Variants in KLHL29 observed in about 807,000 individuals in gnomAD.
KLHL29 encodes the protein kelch-like protein 29.
A neutral mutation model predicts 80.4 loss-of-function variants in KLHL29; 21 were observed. That is an observed-to-expected ratio of 0.26 (90% CI 0.19 to 0.38). KLHL29 has a LOEUF of 0.38. KLHL29 is among the 10% of genes least tolerant of loss of function. The pLI is 1.00. For missense variants in KLHL29, 867 were observed against 1,223.9 expected (o/e 0.71, Z 4.35); for synonymous variants, 511 against 526.8 (o/e 0.97, Z 0.41).
At chr2:23,671,637 C>T (rs1318476324) in intron 5 of KLHL29, among the ~76,000 whole-genome samples, 3 of 152,180 alleles carry the variant, frequency 2.0e-5, no homozygotes, top group African/African-American at 7.2e-5. Flanking sequence ...GCTGCTCACT[C>T]GGCCTTTTCC....
intron 5 of KLHL29, among the ~76,000 whole-genome samples, chr2:23,660,039 A>C (rs1383363097): frequency 1.3e-5 from 2 of 151,956 alleles, no homozygotes; most frequent in African/African-American, 2.4e-5. Context: ...ACCCCTATCT[A>C]GACCTATCTT....
intron 1 of KLHL29, among the ~76,000 whole-genome samples, chr2:23,428,735 T>C (rs1663076166): frequency 6.6e-6 from 1 of 152,180 alleles, no homozygotes; most frequent in African/African-American, 2.4e-5. Context: ...ACCTGAGGGC[T>C]GAATTGGAAC....
chr2:23,434,320 CAA>C (rs34991893), intron 1 of KLHL29, among the ~76,000 whole-genome samples: 42 of 54,914 alleles, frequency 7.6e-4, no homozygotes, highest in African/African-American at 2.7e-3. Flanking sequence ...GACTCCGTCT[CAA>C]AAAAAAAAAA....
chr2:23,577,567 C>T (rs758004508), intron 3 of KLHL29, among the ~76,000 whole-genome samples: 4 of 151,818 alleles, frequency 2.6e-5, no homozygotes, highest in African/African-American at 9.7e-5. Flanking sequence ...GCAAACATGG[C>T]GAAACCCCTG....
chr2:23,495,930 C>T (rs769143140), intron 2 of KLHL29, among the ~76,000 whole-genome samples: 41 of 152,374 alleles, frequency 2.7e-4, no homozygotes, highest in East Asian at 1.9e-4. Flanking sequence ...GTTCTTCCCC[C>T]ACTGCTTGTT....
chr2:23,636,523 C>G (rs1388408114), intron 3 of KLHL29, among the ~76,000 whole-genome samples: 1 of 152,172 alleles, frequency 6.6e-6, no homozygotes, highest in East Asian at 1.9e-4. Context: ...TTCGCCTGCT[C>G]ACAGCCCATC....
intron 5 of KLHL29, among the ~76,000 whole-genome samples, chr2:23,655,826 G>A (rs568323685): frequency 6.6e-6 from 1 of 152,114 alleles, no homozygotes; most frequent in African/African-American, 2.4e-5. Context: ...GGAACTGACT[G>A]AGCAGAGTGA....
chr2:23,460,590 A>G (rs1303727921), intron 1 of KLHL29, among the ~76,000 whole-genome samples: 4 of 152,084 alleles, frequency 2.6e-5, no homozygotes, highest in African/African-American at 9.7e-5. Context: ...AGCTCAGAGG[A>G]TGAGCACTTG....
chr2:23,520,899 A>T (rs1666073893), intron 2 of KLHL29, among the ~76,000 whole-genome samples: 2 of 152,108 alleles, frequency 1.3e-5, no homozygotes, highest in Non-Finnish European at 2.9e-5. Context: ...ATGTTACATT[A>T]TCATAAACCC....
intron 4 of KLHL29, among the ~76,000 whole-genome samples, chr2:23,640,262 CTT>C (rs1378647985): frequency 6.6e-6 from 1 of 152,296 alleles, no homozygotes; most frequent in Admixed American, 6.5e-5. Flanking sequence ...CAGACCTGGT[CTT>C]GTCTTCCACG....
At chr2:23,571,543 A>G (rs1667717625) in intron 3 of KLHL29, among the ~76,000 whole-genome samples, 2 of 152,178 alleles carry the variant, frequency 1.3e-5, no homozygotes, top group Non-Finnish European at 2.9e-5. Context: ...CCTCCCAGTC[A>G]TTAGTTTAGG....
chr2:23,503,974 C>T lies in KLHL29; in HGVS notation c.-46+28307C>T, dbSNP rs772307612. 6.6e-6 allele frequency among the ~76,000 whole-genome samples: 1 copy of T among 152,170 alleles called. No homozygotes were observed. Among genetic ancestry groups the T allele is most frequent in the Non-Finnish European group, 1.5e-5 (1 of 68,032 alleles). ...TGAACCCACTGGGCTGGGAACGCCACACAAAAGCACTCTCCAAGCCAGCCA... is the reference window on the plus strand; with the variant it reads ...TGAACCCACTGGGCTGGGAACGCCATACAAAAGCACTCTCCAAGCCAGCCA... On this transcript the variant is annotated intron_variant, in intron 2 of 13. Coordinates refer to ENST00000486442, the MANE Select transcript of KLHL29 (RefSeq NM_052920.2). This position sits in a 1 kb window ranked among gnomAD's most constrained non-coding sequence, Gnocchi z 4.0.
intron 5 of KLHL29, among the ~76,000 whole-genome samples, chr2:23,653,244 A>G (rs115334626): frequency 0.01 from 1,593 of 152,292 alleles, 16 homozygotes; most frequent in Non-Finnish European, 0.016. Context: ...CCTAGCTATC[A>G]CATTTCCCCC....
Position 23,448,088 on chromosome 2 carries a change from A to C in KLHL29, c.-153-27472A>C, listed in dbSNP as rs149729310. ...AGGCCCAAGACTTTGAAAATACTCA[A>C]AGTATTAGTATACTAATACTTTGTA... On this transcript the variant is annotated intron_variant, in intron 1 of 13. Coordinates refer to ENST00000486442, the MANE Select transcript of KLHL29 (RefSeq NM_052920.2). 7.9e-5 allele frequency among the ~76,000 whole-genome samples: 12 copies of C among 152,214 alleles called. No individual in the cohort carries two copies. In the South Asian group the frequency reaches 2.5e-3, roughly 32 times the overall value.
At chr2:23,611,906 A>G (rs989255924) in intron 3 of KLHL29, among the ~76,000 whole-genome samples, 2 of 151,038 alleles carry the variant, frequency 1.3e-5, no homozygotes, top group African/African-American at 2.4e-5. Context: ...AGGATTATGA[A>G]CTGAAAGATT....
At chr2:23,451,476 G>A (rs934167180) in intron 1 of KLHL29, among the ~76,000 whole-genome samples, 2 of 152,214 alleles carry the variant, frequency 1.3e-5, no homozygotes, top group Admixed American at 1.3e-4. Context: ...GGGTCATGGG[G>A]ACTGGGAAGC....
chr2:23,487,402 A>G (rs888389745), intron 2 of KLHL29, among the ~76,000 whole-genome samples: 1 of 152,020 alleles, frequency 6.6e-6, no homozygotes, highest in Non-Finnish European at 1.5e-5. Context: ...GGCCTATTGC[A>G]TTTTTCCTGC....
intron 1 of KLHL29, among the ~76,000 whole-genome samples, chr2:23,424,297 T>C (rs1662945662): frequency 6.6e-6 from 1 of 152,178 alleles, no homozygotes; most frequent in African/African-American, 2.4e-5. Flanking sequence ...TGTGTGTGCG[T>C]GGGCGGGTGC....
At chr2:23,523,736 T>A (rs929809563) in intron 2 of KLHL29, among the ~76,000 whole-genome samples, 9 of 152,024 alleles carry the variant, frequency 5.9e-5, no homozygotes, top group African/African-American at 2.2e-4. Flanking sequence ...AATGTCAGAG[T>A]CAGCTGAGTT....
Sources: allele counts gnomAD v4.1 joint callset (sites outside exome capture counted in the v4.1 genomes callset), GRCh38; gene constraint gnomAD v4.1.1; non-coding constraint Gnocchi (gnomAD v3.1); transcripts MANE v1.5; gene names NCBI Gene and HGNC (gene_info 2026-07-23, HGNC 2026-07-21).